The following ARNT2 variants were observed in gnomAD, a reference collection of about 807,000 sequenced individuals.
The protein encoded by ARNT2 is aryl hydrocarbon receptor nuclear translocator 2, also known as ARNT protein 2.
A neutral mutation model predicts 91.7 loss-of-function variants in ARNT2; 36 were observed. The observed-to-expected ratio is 0.39, with a 90% confidence interval of 0.30 to 0.52. ARNT2 has a LOEUF of 0.52. ARNT2 is among the 20% of genes least tolerant of loss of function. The pLI is 0.72. For synonymous variants in ARNT2, 365 were observed against 347.1 expected (o/e 1.05, Z -0.57); for missense variants, 775 against 939.3 (o/e 0.83, Z 2.29).
intron 11 of ARNT2, among the ~76,000 whole-genome samples, chr15:80,558,496 C>T (rs576369478): frequency 1.7e-4 from 26 of 152,078 alleles, no homozygotes; most frequent in African/African-American, 4.8e-4. Flanking sequence ...TGTGCTGTCA[C>T]GGCTGGCTAA....
At chr15:80,538,594 G>A (rs1002020071) in intron 8 of ARNT2, among the ~76,000 whole-genome samples, 3 of 152,070 alleles carry the variant, frequency 2.0e-5, no homozygotes, top group East Asian at 1.9e-4. Flanking sequence ...CCAAAACAAT[G>A]TTTAGAGGAA....
chr15:80,483,223 A>T, intron 5 of ARNT2, among the ~76,000 whole-genome samples: 1 of 152,254 alleles, frequency 6.6e-6, no homozygotes, highest in East Asian at 1.9e-4. Flanking sequence ...GTACATTTTA[A>T]TAGGATTCCC....
chr15:80,420,084 A>T (rs778254978), intron 1 of ARNT2, among the ~76,000 whole-genome samples: 4 of 152,106 alleles, frequency 2.6e-5, no homozygotes, highest in Non-Finnish European at 4.4e-5. Flanking sequence ...ACATTTTATC[A>T]TCTCACACCA....
In ARNT2 at chr15:80,563,138, C is replaced by G. The variant is rs767137998; in HGVS notation, c.1215C>G (p.Thr405=). The G allele has an allele frequency of 6.2e-7, 1 of 1,614,166 alleles. No individual in the cohort carries two copies. Residue 405 remains threonine, a synonymous_variant, in exon 12 of 19, where the codon ACC becomes ACG. Transcript: ENST00000303329. ...TGTCGGTCATGTATCGATTTCGCAC[C>G]AAGAACCGGGAGTGGATGTTGATCC... ...QVLSVMYRFR[T]KNREWMLIRT...
At chr15:80,526,848 T>G (rs1430550088) in intron 8 of ARNT2, among the ~76,000 whole-genome samples, 2 of 152,236 alleles carry the variant, frequency 1.3e-5, no homozygotes, top group South Asian at 4.1e-4. Context: ...ACCTTGCACT[T>G]CTTGCAGTTT....
chr15:80,446,358 G>C (rs1896304244), intron 1 of ARNT2, among the ~76,000 whole-genome samples: 1 of 152,170 alleles, frequency 6.6e-6, no homozygotes, highest in African/African-American at 2.4e-5. Context: ...TATAGAGGGG[G>C]AGACTGAAAC....
chr15:80,437,815 C>T (rs1896113703), intron 1 of ARNT2, among the ~76,000 whole-genome samples: 1 of 152,082 alleles, frequency 6.6e-6, no homozygotes, highest in Non-Finnish European at 1.5e-5. Context: ...GTATTATATT[C>T]TAAGTTTTTA....
intron 12 of ARNT2, among the ~76,000 whole-genome samples, chr15:80,571,147 C>A (rs963003894): frequency 6.6e-6 from 1 of 152,184 alleles, no homozygotes; most frequent in Non-Finnish European, 1.5e-5. Flanking sequence ...CATTTCAGCT[C>A]CTTAGGGGTC....
At chr15:80,510,085 A>G (rs1175115120) in intron 6 of ARNT2, among the ~76,000 whole-genome samples, 1 of 152,196 alleles carries the variant, frequency 6.6e-6, no homozygotes, top group Non-Finnish European at 1.5e-5. Flanking sequence ...GGTTATTGCA[A>G]TGATTCAGGT....
At chr15:80,566,078 T>C (rs1023613145) in intron 12 of ARNT2, among the ~76,000 whole-genome samples, 1 of 152,234 alleles carries the variant, frequency 6.6e-6, no homozygotes, top group African/African-American at 2.4e-5. Context: ...TCTACTGTGA[T>C]AGCAGGCAGA....
At chr15:80,553,100 C>T (rs1185675655) in intron 10 of ARNT2, among the ~76,000 whole-genome samples, 3 of 152,170 alleles carry the variant, frequency 2.0e-5, no homozygotes, top group Non-Finnish European at 4.4e-5. Context: ...GTGGAAGACC[C>T]TGCAAATCCT....
Position 80,514,409 on chromosome 15 carries a change from A to C in ARNT2, c.877+4A>C, listed in dbSNP as rs764542180. The stretch of plus-strand genomic sequence containing the variant: ...ATCAAGGCCTGGCCACCAGCAGGTA[A>C]GGAGACCTGCATGTAAATTCCACGG... On this transcript the variant is annotated splice_donor_region_variant and intron_variant, in intron 8 of 18. Coordinates refer to ENST00000303329, the MANE Select transcript of ARNT2 (RefSeq NM_014862.4). 6.2e-7 allele frequency: 1 copy of C among 1,613,586 alleles called. No individual in the cohort carries two copies. Among genetic ancestry groups the C allele is most frequent in the Admixed American group, 1.7e-5 (1 of 60,024 alleles).
chr15:80,439,223 C>T (rs1037123), intron 1 of ARNT2, among the ~76,000 whole-genome samples: 35,350 of 151,836 alleles, frequency 0.23, 4,887 homozygotes, highest in African/African-American at 0.39. Context: ...AGTGAACATG[C>T]GGACTTGAGC....
intron 12 of ARNT2, among the ~76,000 whole-genome samples, chr15:80,568,164 C>T (rs1032925454): frequency 6.6e-6 from 1 of 152,204 alleles, no homozygotes; most frequent in Admixed American, 6.5e-5. Flanking sequence ...TCCAGAAAAA[C>T]ACAGACTGAT....
At chr15:80,490,580 T>C (rs993090268) in intron 5 of ARNT2, among the ~76,000 whole-genome samples, 3 of 152,148 alleles carry the variant, frequency 2.0e-5, no homozygotes, top group Admixed American at 6.5e-5. Context: ...AACCTGACAA[T>C]GCAAAGAGCC....
In ARNT2 at chr15:80,584,139, G is replaced by T. The variant is rs545729458; in HGVS notation, c.1918+2735G>T. Among the ~76,000 whole-genome samples, 30 of 152,334 alleles carry T rather than the reference G, an allele frequency of 2.0e-4. No individual in the cohort carries two copies. The East Asian group carries it at 4.6e-3, about 23-fold the overall frequency. On this transcript the variant is annotated intron_variant, in intron 17 of 18. Transcript: ENST00000303329. The stretch of plus-strand genomic sequence containing the variant: ...GCAGGAGAGCAGGAAGGGAGGCACA[G>T]TCTTGGGAGGGAGAGGGAGACCTCG...
chr15:80,450,734 A>ATAGC, intron 1 of ARNT2, 146 bp from the exon 2 acceptor site: 1 of 773,984 alleles, frequency 1.3e-6, no homozygotes, highest in South Asian at 1.4e-5. Flanking sequence ...CCCCAGCCAC[A>ATAGC]TAGCTGATGA....
rs1392340034 is a variant in ARNT2, at chr15:80,508,215, A to T, written c.682A>T (p.Arg228Trp). The T allele has an allele frequency of 6.2e-7, 1 of 1,614,136 alleles. No individual in the cohort carries two copies. The highest frequency in any genetic ancestry group is 2.2e-5 in the East Asian group (1 of 44,878). ...VKKEGQQSSM[R>W]MCMGSRRSFI... ...GAAAGAAGGGCAGCAGTCATCCATGAGGATGTGCATGGGCTCGCGGCGGTC... is the reference window on the plus strand; with the variant it reads ...GAAAGAAGGGCAGCAGTCATCCATGTGGATGTGCATGGGCTCGCGGCGGTC... The change falls in exon 6 of 19, where the codon AGG (arginine) becomes TGG (tryptophan). Residue 228 changes from arginine (R) to tryptophan (W), a missense_variant. Physicochemically the swap from Arg to Trp is moderately radical, Grantham distance 101. This residue lies in a region of ARNT2 where 285 missense variants were observed against 327.2 expected (regional missense o/e 0.87). Coordinates refer to ENST00000303329, the MANE Select transcript of ARNT2 (RefSeq NM_014862.4).
chr15:80,422,675 A>G (rs116799171), intron 1 of ARNT2, among the ~76,000 whole-genome samples: 206 of 152,344 alleles, frequency 1.4e-3, no homozygotes, highest in African/African-American at 4.8e-3. Flanking sequence ...TAATAACAAC[A>G]TGTACTTTGT....
Sources: allele counts gnomAD v4.1 joint callset (sites outside exome capture counted in the v4.1 genomes callset), GRCh38; gene constraint gnomAD v4.1.1; regional missense constraint gnomAD v4.1.1; transcripts MANE v1.5; gene names NCBI Gene and HGNC (gene_info 2026-07-23, HGNC 2026-07-21).